The following CYFIP1 variants were observed in gnomAD, a reference collection of about 807,000 sequenced individuals.
The protein encoded by CYFIP1 is cytoplasmic FMR1-interacting protein 1.
Under a neutral mutation model 163.5 loss-of-function variants are expected in CYFIP1, and 58 were observed. That is an observed-to-expected ratio of 0.35 (90% CI 0.29 to 0.44). The LOEUF is 0.44. Among genes scored for constraint, CYFIP1 ranks in the 20% least tolerant of loss-of-function variants. The pLI is 1.00. For missense variants in CYFIP1, 1,338 were observed against 1,653.8 expected (o/e 0.81, Z 3.31); for synonymous variants, 663 against 660.7 (o/e 1.00, Z -0.05).
rs766641081 is a variant in CYFIP1, at chr15:22,870,002, TGA to T, written c.*24_*25del. On this transcript the variant is annotated 3_prime_UTR_variant, in exon 31 of 31. Coordinates refer to ENST00000617928, the MANE Select transcript of CYFIP1 (RefSeq NM_014608.6). ...TTACGGAGAGAAAGGCATGCCATGT[TGA>T]GTTACGGAGTGCAGCGCGTGCCCTC... 8 of 1,542,646 alleles carry T rather than the reference TGA, an allele frequency of 5.2e-6. No individual in the cohort carries two copies. In the South Asian group the frequency reaches 1.0e-4, roughly 19 times the overall value.
chr15:22,922,523 A>G (rs895183546), intron 13 of CYFIP1, among the ~76,000 whole-genome samples: 3 of 152,170 alleles, frequency 2.0e-5, no homozygotes, highest in Non-Finnish European at 4.4e-5. Flanking sequence ...GGCTGCAAGG[A>G]GTCATAACCT....
intron 6 of CYFIP1, among the ~76,000 whole-genome samples, chr15:22,941,391 T>C (rs1407211830): frequency 1.3e-5 from 2 of 152,152 alleles, no homozygotes; most frequent in Non-Finnish European, 2.9e-5. Context: ...GAGTAGCTGC[T>C]GAGGTGGCGG....
chr15:22,954,532 G>A (rs1012357599), intron 1 of CYFIP1, among the ~76,000 whole-genome samples: 14 of 152,312 alleles, frequency 9.2e-5, no homozygotes, highest in African/African-American at 3.4e-4. Context: ...TCGGTCACAA[G>A]GCGCTACCAT....
At chr15:22,892,270 A>C (rs2032508839) in intron 23 of CYFIP1, among the ~76,000 whole-genome samples, 1 of 152,180 alleles carries the variant, frequency 6.6e-6, no homozygotes, top group African/African-American at 2.4e-5. Context: ...TTTCCTTACT[A>C]AATCACACGG....
chr15:22,870,271 T>G, intron 30 of CYFIP1, 79 bp from the exon 31 acceptor site: 1 of 1,477,168 alleles, frequency 6.8e-7, no homozygotes, highest in Admixed American at 2.3e-5. Flanking sequence ...TCAGGATTCT[T>G]ATATTTTCTC....
At chr15:22,909,642 G>C (rs1165376264) in intron 20 of CYFIP1, among the ~76,000 whole-genome samples, 3 of 152,130 alleles carry the variant, frequency 2.0e-5, no homozygotes, top group Non-Finnish European at 4.4e-5. Flanking sequence ...ATAGAGAGTA[G>C]AATTAAATGC....
rs543050022 is a variant in CYFIP1, at chr15:22,950,356, G to C, written c.-6-3065C>G. Among the ~76,000 whole-genome samples, 3 of 152,258 alleles carry C rather than the reference G, an allele frequency of 2.0e-5. No homozygotes were observed. In the South Asian group the frequency reaches 6.2e-4, roughly 32 times the overall value. On this transcript the variant is annotated intron_variant, in intron 1 of 30. Transcript: ENST00000617928. ...AAAGGAAGCTGGGGTGGCTTTGTCA[G>C]CACCAGACCCAGCCAGCCTCCGAGC... is the stretch of plus-strand genomic sequence containing the variant.
At chr15:22,897,632 T>C (rs1406400314) in intron 22 of CYFIP1, among the ~76,000 whole-genome samples, 2 of 152,126 alleles carry the variant, frequency 1.3e-5, no homozygotes, top group African/African-American at 4.8e-5. Context: ...TACAGTCGCC[T>C]GCCACCACGC....
At chr15:22,930,313 G>A (rs2061495603) in intron 11 of CYFIP1, among the ~76,000 whole-genome samples, 1 of 143,964 alleles carries the variant, frequency 6.9e-6, no homozygotes, top group Non-Finnish European at 1.5e-5. Context: ...AGAATGGTGT[G>A]AACCTTGGCT....
intron 9 of CYFIP1, among the ~76,000 whole-genome samples, chr15:22,935,915 T>A (rs1316099393): frequency 6.6e-6 from 1 of 152,168 alleles, no homozygotes. Context: ...TACTTGTCAA[T>A]TACACCTTGA....
intron 26 of CYFIP1, among the ~76,000 whole-genome samples, chr15:22,876,613 C>T (rs1173711109): frequency 2.0e-5 from 3 of 151,948 alleles, no homozygotes; most frequent in South Asian, 2.1e-4. Flanking sequence ...GAGGGCGAGG[C>T]GGGAGGTCGG....
At chr15:22,891,607 G>C (rs112696851) in intron 23 of CYFIP1, among the ~76,000 whole-genome samples, 308 of 152,284 alleles carry the variant, frequency 2.0e-3, no homozygotes, top group African/African-American at 7.2e-3. Flanking sequence ...GGCCGCCCCC[G>C]GCCCACACTC....
At chr15:22,871,705 G>A (rs1454610094) in intron 30 of CYFIP1, among the ~76,000 whole-genome samples, 3 of 152,200 alleles carry the variant, frequency 2.0e-5, no homozygotes, top group Non-Finnish European at 4.4e-5. Context: ...AGACATGGCA[G>A]AAGACTAGAG....
chr15:22,884,400 C>T (rs2059873020), intron 23 of CYFIP1, among the ~76,000 whole-genome samples: 1 of 152,198 alleles, frequency 6.6e-6, no homozygotes, highest in African/African-American at 2.4e-5. Flanking sequence ...GGGCTCCAGG[C>T]CCCATGGAAG....
At chr15:22,902,897 G>A (rs1258817831) in intron 22 of CYFIP1, among the ~76,000 whole-genome samples, 1 of 151,468 alleles carries the variant, frequency 6.6e-6, no homozygotes, top group Non-Finnish European at 1.5e-5. Context: ...TCTCATCAGA[G>A]CTCTCATCAG....
At chr15:22,945,799 T>A (rs996327713) in intron 3 of CYFIP1, among the ~76,000 whole-genome samples, 4 of 151,628 alleles carry the variant, frequency 2.6e-5, no homozygotes, top group African/African-American at 9.7e-5. Context: ...GCCAGGCTGG[T>A]CTCGAACTCC....
In CYFIP1 at chr15:22,916,641, C is replaced by A. The variant is rs776037406; in HGVS notation, c.1675-11G>T. 4.3e-6 allele frequency: 7 copies of A among 1,613,992 alleles called. No individual in the cohort carries two copies. Among genetic ancestry groups the A allele is most frequent in the Non-Finnish European group, 5.9e-6 (7 of 1,179,998 alleles). ...TCTCACCATGTAAAGCTGGATTATC[C>A]AAGGAAACATTTGTGGGGGAGAAAA... On this transcript the variant is annotated splice_polypyrimidine_tract_variant and intron_variant, in intron 15 of 30. Coordinates refer to ENST00000617928, the MANE Select transcript of CYFIP1 (RefSeq NM_014608.6).
chr15:22,945,054 G>A, intron 3 of CYFIP1, 115 bp from the exon 4 acceptor site: 1 of 1,001,194 alleles, frequency 1.0e-6, no homozygotes, highest in African/African-American at 1.6e-5. Context: ...ACTGTGGCCT[G>A]TGTGCCAAGA....
chr15:22,895,282 G>A (rs2141969355), intron 22 of CYFIP1, among the ~76,000 whole-genome samples: 1 of 152,210 alleles, frequency 6.6e-6, no homozygotes, highest in African/African-American at 2.4e-5. Context: ...CCAAAGTGCT[G>A]GGATTACAGG....
Sources: allele counts gnomAD v4.1 joint callset (sites outside exome capture counted in the v4.1 genomes callset), GRCh38; gene constraint gnomAD v4.1.1; transcripts MANE v1.5; gene names NCBI Gene and HGNC (gene_info 2026-07-23, HGNC 2026-07-21).